AKAP19: variants seen among roughly 807,000 people sequenced by gnomAD.
AKAP19 encodes the protein small A-kinase anchoring protein.
chr2:189,987,379 G>A, the AKAP19 span, among the ~76,000 whole-genome samples: 9 of 152,294 alleles, frequency 5.9e-5, no homozygotes, highest in African/African-American at 1.9e-4. Flanking sequence ...TCTTGGGCAT[G>A]TCTTTATCAA....
chr2:190,074,641 G>C, the AKAP19 span, among the ~76,000 whole-genome samples: 1 of 88,794 alleles, frequency 1.1e-5, no homozygotes, highest in Admixed American at 1.5e-4. Context: ...AACAGAGAAA[G>C]ACTTTGTCTC....
the AKAP19 span, among the ~76,000 whole-genome samples, chr2:190,034,789 G>T: frequency 6.9e-6 from 1 of 144,666 alleles, no homozygotes; most frequent in South Asian, 2.2e-4. Context: ...GGGAGGCAGA[G>T]GTTGCAATGA....
the AKAP19 span, among the ~76,000 whole-genome samples, chr2:190,113,048 G>C: frequency 6.6e-6 from 1 of 151,798 alleles, no homozygotes; most frequent in African/African-American, 2.4e-5. Context: ...TCTAAAACTC[G>C]TTTCTGTTTC....
the AKAP19 span, among the ~76,000 whole-genome samples, chr2:190,036,696 T>C: frequency 0.014 from 2,130 of 152,266 alleles, 63 homozygotes; most frequent in African/African-American, 0.048. Context: ...CTTGCTTTGG[T>C]ATCGTGTAGA....
the AKAP19 span, chr2:190,090,822 C>T: frequency 6.6e-6 from 1 of 152,246 alleles, no homozygotes; most frequent in Non-Finnish European, 1.5e-5. Flanking sequence ...CTAGTACTTT[C>T]TTATCACAGT....
the AKAP19 span, chr2:190,060,348 G>A: frequency 6.2e-7 from 1 of 1,612,580 alleles, no homozygotes; most frequent in Non-Finnish European, 8.5e-7. Context: ...CCATAGTTGG[G>A]CCTTTACTAC....
the AKAP19 span, among the ~76,000 whole-genome samples, chr2:189,991,657 T>C: frequency 6.6e-6 from 1 of 152,240 alleles, no homozygotes; most frequent in African/African-American, 2.4e-5. Flanking sequence ...GTCTGTTTAC[T>C]CTGCTGATTA....
the AKAP19 span, among the ~76,000 whole-genome samples, chr2:189,994,596 A>G: frequency 2.7e-5 from 4 of 150,482 alleles, no homozygotes; most frequent in Non-Finnish European, 4.4e-5. Flanking sequence ...TATTATTGTT[A>G]TTATTATTAT....
chr2:189,994,740 A>T, the AKAP19 span, among the ~76,000 whole-genome samples: 1 of 151,982 alleles, frequency 6.6e-6, no homozygotes, highest in Non-Finnish European at 1.5e-5. Flanking sequence ...CTGGGATTGC[A>T]GGTGTGTGCC....
At chr2:190,035,553 G>T in the AKAP19 span, among the ~76,000 whole-genome samples, 1 of 151,962 alleles carries the variant, frequency 6.6e-6, no homozygotes, top group Non-Finnish European at 1.5e-5. Context: ...TGGGCTGTGT[G>T]CTGAGAGTAG....
the AKAP19 span, among the ~76,000 whole-genome samples, chr2:189,990,577 C>T: frequency 6.6e-6 from 1 of 152,028 alleles, no homozygotes; most frequent in Non-Finnish European, 1.5e-5. Flanking sequence ...TCTCTATTTT[C>T]CTTGTGATGT....
At chr2:189,955,972 T>A in the AKAP19 span, among the ~76,000 whole-genome samples, 1 of 152,266 alleles carries the variant, frequency 6.6e-6, no homozygotes, top group East Asian at 1.9e-4. Context: ...TTCTGGGTTT[T>A]TTTGCCTTCA....
the AKAP19 span, among the ~76,000 whole-genome samples, chr2:189,976,081 G>A: frequency 5.3e-5 from 8 of 152,266 alleles, no homozygotes; most frequent in South Asian, 1.7e-3. Flanking sequence ...TCAGCTTCCT[G>A]CTCTGTTTTT....
At chr2:190,002,792 G>A in the AKAP19 span, among the ~76,000 whole-genome samples, 2 of 152,130 alleles carry the variant, frequency 1.3e-5, no homozygotes, top group Non-Finnish European at 2.9e-5. Flanking sequence ...AACTCTTGCA[G>A]GTTTTGTGGT....
chr2:190,112,108 A>G, the AKAP19 span, among the ~76,000 whole-genome samples: 2 of 152,218 alleles, frequency 1.3e-5, no homozygotes, highest in African/African-American at 2.4e-5. Flanking sequence ...TGTGTTAGCC[A>G]GGATCAACAT....
At chr2:190,157,460 G>A in the AKAP19 span, among the ~76,000 whole-genome samples, 16 of 151,116 alleles carry the variant, frequency 1.1e-4, no homozygotes, top group African/African-American at 3.4e-4. Context: ...ATATTAGGTT[G>A]TTAACATTTT....
chr2:190,034,665 C>CAGT, the AKAP19 span, among the ~76,000 whole-genome samples: 1 of 149,938 alleles, frequency 6.7e-6, no homozygotes, highest in African/African-American at 2.4e-5. Context: ...GCCAACATGA[C>CAGT]GAAACCCCAT....
At chr2:190,073,243 GA>G in the AKAP19 span, among the ~76,000 whole-genome samples, 1 of 151,968 alleles carries the variant, frequency 6.6e-6, no homozygotes, top group African/African-American at 2.4e-5. Context: ...AGATTTTCCA[GA>G]AAAAAACACA....
the AKAP19 span, among the ~76,000 whole-genome samples, chr2:190,024,052 G>A: frequency 1.3e-4 from 20 of 151,452 alleles, no homozygotes; most frequent in Admixed American, 1.1e-3. Flanking sequence ...ATCCTCCAGG[G>A]GGCAGTAGAT....
Sources: gnomAD v4.1 joint callset for allele counts (sites outside exome capture counted in the v4.1 genomes callset) on GRCh38, gnomAD v4.1.1 for gene constraint, MANE v1.5 for transcripts, NCBI Gene and HGNC (gene_info 2026-07-23, HGNC 2026-07-21) for gene names.